Variants in LIMCH1 observed in about 807,000 individuals in gnomAD.
The protein encoded by LIMCH1 is LIM and calponin homology domains 1, also known as LIM and calponin homology domains-containing protein 1.
Under a neutral mutation model 176.5 loss-of-function variants are expected in LIMCH1, and 113 were observed. The ratio of observed to expected loss-of-function variants is 0.64; its 90% confidence interval spans 0.55 to 0.75. The LOEUF (loss-of-function observed/expected upper bound fraction) is 0.75, where lower values mean the gene tolerates loss of function less well. LIMCH1 is among the 30% of genes least tolerant of loss of function. LIMCH1 has a pLI of 0.00. For synonymous variants in LIMCH1, 619 were observed against 645.9 expected (o/e 0.96, Z 0.63); for missense variants, 1,674 against 1,814.9 (o/e 0.92, Z 1.41).
chr4:41,374,762 C>A (rs746072957), intron 1 of LIMCH1, among the ~76,000 whole-genome samples: 20 of 152,076 alleles, frequency 1.3e-4, no homozygotes, highest in Non-Finnish European at 2.6e-4. Flanking sequence ...CCGTGCTGTG[C>A]ATTGTGTGGC....
intron 2 of LIMCH1, among the ~76,000 whole-genome samples, chr4:41,600,020 TGAGGAAAAA>T (rs2089638775): frequency 6.6e-6 from 1 of 152,090 alleles, no homozygotes; most frequent in Non-Finnish European, 1.5e-5. Context: ...TTAAAAAGGA[TGAGGAAAAA>T]TAGGAAAAAA....
chr4:41,477,212 T>A (rs1008343835), intron 1 of LIMCH1, among the ~76,000 whole-genome samples: 2 of 152,198 alleles, frequency 1.3e-5, no homozygotes, highest in Non-Finnish European at 2.9e-5. Flanking sequence ...AGACCAGGGA[T>A]AATAATAATG....
intron 14 of LIMCH1, among the ~76,000 whole-genome samples, chr4:41,644,220 G>A (rs1585242714): frequency 6.6e-6 from 1 of 152,112 alleles, no homozygotes; most frequent in Non-Finnish European, 1.5e-5. Flanking sequence ...ACCTATTTTG[G>A]CACCTACATA....
At chr4:41,651,800 T>C (rs1299939840) in intron 18 of LIMCH1, among the ~76,000 whole-genome samples, 1 of 152,256 alleles carries the variant, frequency 6.6e-6, no homozygotes, top group African/African-American at 2.4e-5. Context: ...AAATGTATGC[T>C]AATTCAGGTA....
At chr4:41,616,383 G>T (rs2092075939) in intron 5 of LIMCH1, among the ~76,000 whole-genome samples, 1 of 151,960 alleles carries the variant, frequency 6.6e-6, no homozygotes, top group Admixed American at 6.6e-5. Context: ...CAAAAAATTA[G>T]CTGGGCATGG....
At chr4:41,636,209 CT>C (rs1307458386) in intron 13 of LIMCH1, among the ~76,000 whole-genome samples, 2 of 151,678 alleles carry the variant, frequency 1.3e-5, no homozygotes, top group East Asian at 3.9e-4. Context: ...CATGCCTGGC[CT>C]CAAAATTAAA....
At chr4:41,363,555 T>C (rs1033235061) in intron 1 of LIMCH1, among the ~76,000 whole-genome samples, 2 of 152,182 alleles carry the variant, frequency 1.3e-5, no homozygotes, top group Non-Finnish European at 2.9e-5. Flanking sequence ...AGTCATGGAT[T>C]GGCAAGAAAA....
chr4:41,682,662 T>G (rs1716980939), intron 26 of LIMCH1, among the ~76,000 whole-genome samples: 1 of 150,070 alleles, frequency 6.7e-6, no homozygotes, highest in South Asian at 2.1e-4. Flanking sequence ...ATAGCCTTAT[T>G]TTTTTTCTTC....
At chr4:41,483,303 G>C (rs1204703857) in intron 1 of LIMCH1, among the ~76,000 whole-genome samples, 1 of 152,068 alleles carries the variant, frequency 6.6e-6, no homozygotes, top group Non-Finnish European at 1.5e-5. Context: ...GGGGTGTGGG[G>C]CCAGGGATGG....
intron 1 of LIMCH1, among the ~76,000 whole-genome samples, chr4:41,392,780 C>G (rs1406199453): frequency 1.7e-5 from 2 of 116,488 alleles, no homozygotes; most frequent in African/African-American, 5.9e-5. Flanking sequence ...CCCTGTCATC[C>G]CAGCCTGTGG....
At chr4:41,469,336 T>C (rs1054561053) in intron 1 of LIMCH1, among the ~76,000 whole-genome samples, 2 of 152,226 alleles carry the variant, frequency 1.3e-5, no homozygotes, top group Non-Finnish European at 2.9e-5. Context: ...GAAATCATAC[T>C]ATGCTGGTCT....
chr4:41,613,339 T>C, intron 4 of LIMCH1, 127 bp from the exon 5 acceptor site: 1 of 844,734 alleles, frequency 1.2e-6, no homozygotes, highest in East Asian at 2.7e-5. Flanking sequence ...ATCCTGTAAC[T>C]GGTTTCCACA....
At chr4:41,657,888 T>C (rs1424641133) in intron 18 of LIMCH1, among the ~76,000 whole-genome samples, 2 of 151,048 alleles carry the variant, frequency 1.3e-5, no homozygotes, top group African/African-American at 4.9e-5. Flanking sequence ...TCCAGGAGAG[T>C]TCTAATCTTT....
At chr4:41,475,412 G>A (rs2067577587) in intron 1 of LIMCH1, among the ~76,000 whole-genome samples, 1 of 152,174 alleles carries the variant, frequency 6.6e-6, no homozygotes, top group South Asian at 2.1e-4. Flanking sequence ...GTAGGGGTCT[G>A]GAGCCAGTTC....
chr4:41,536,864 T>C (rs1291125961), upstream of LIMCH1, among the ~76,000 whole-genome samples: 1 of 152,182 alleles, frequency 6.6e-6, no homozygotes, highest in African/African-American at 2.4e-5. Flanking sequence ...GAAAAACTAA[T>C]GAAATCCAAA....
intron 2 of LIMCH1, among the ~76,000 whole-genome samples, chr4:41,515,774 G>C: frequency 6.6e-6 from 1 of 152,228 alleles, no homozygotes; most frequent in East Asian, 1.9e-4. Context: ...GAATTTTATG[G>C]ATCCCAATCC....
chr4:41,674,571 A>G (rs934445452), intron 22 of LIMCH1, among the ~76,000 whole-genome samples: 3 of 152,228 alleles, frequency 2.0e-5, no homozygotes, highest in Admixed American at 1.3e-4. Context: ...CAACTTAAGA[A>G]TGGGGTCACA....
chr4:41,547,861 G>GTTTA (rs746652816), intron 1 of LIMCH1, among the ~76,000 whole-genome samples: 1 of 84,962 alleles, frequency 1.2e-5, no homozygotes, highest in African/African-American at 3.9e-5. Context: ...ATTTGTGTGT[G>GTTTA]TGTATATATA....
intron 15 of LIMCH1, 91 bp downstream of exon 15, chr4:41,644,717 C>A: frequency 2.0e-6 from 3 of 1,468,024 alleles, no homozygotes; most frequent in Non-Finnish European, 2.8e-6. Flanking sequence ...GAAAGCCATG[C>A]GGGGAAAGGG....
Sources: gnomAD v4.1 joint callset for allele counts (sites outside exome capture counted in the v4.1 genomes callset) on GRCh38, gnomAD v4.1.1 for gene constraint, MANE v1.5 for transcripts, NCBI Gene and HGNC (gene_info 2026-07-23, HGNC 2026-07-21) for gene names.